SPSB4: variants seen among roughly 807,000 people sequenced by gnomAD.
SPSB4 encodes the protein SPRY domain-containing SOCS box protein 4.
A neutral mutation model predicts 20.9 loss-of-function variants in SPSB4; 21 were observed. The observed-to-expected ratio is 1.01, with a 90% CI of 0.71 to 1.45. SPSB4 has a LOEUF of 1.45. SPSB4 is among the 40% of genes most tolerant of loss of function. The probability of loss-of-function intolerance (pLI) is 0.00; values close to 1 mark genes in which losing one functional copy is unlikely to be tolerated. For missense variants in SPSB4, 399 were observed against 399.2 expected, an observed-to-expected ratio of 1.00 and a Z score of 0.00; for synonymous variants, 207 against 183.8, an observed-to-expected ratio of 1.13 and a Z score of -1.02.
intron 2 of SPSB4, among the ~76,000 whole-genome samples, chr3:141,141,292 G>T (rs768236269): frequency 6.6e-6 from 1 of 152,190 alleles, no homozygotes. Context: ...GTGAGGCGAC[G>T]CCTCGCCCTG....
intron 2 of SPSB4, among the ~76,000 whole-genome samples, chr3:141,127,845 G>A (rs1050406972): frequency 6.6e-6 from 1 of 152,156 alleles, no homozygotes; most frequent in African/African-American, 2.4e-5. Context: ...TATTCTCTTA[G>A]GCCCTGCAGT....
chr3:141,121,995 C>T (rs1050351240), intron 2 of SPSB4, among the ~76,000 whole-genome samples: 2 of 152,212 alleles, frequency 1.3e-5, no homozygotes, highest in Non-Finnish European at 2.9e-5. Flanking sequence ...AGAAGAGACG[C>T]TCTGGTTTTT....
intron 2 of SPSB4, among the ~76,000 whole-genome samples, chr3:141,114,847 G>A (rs894393558): frequency 1.2e-4 from 19 of 152,216 alleles, no homozygotes; most frequent in Admixed American, 3.3e-4. Flanking sequence ...AAGAAAGGAA[G>A]TGTCTGTTTT....
chr3:141,094,075 C>T (rs1013034701), intron 2 of SPSB4, among the ~76,000 whole-genome samples: 10 of 152,214 alleles, frequency 6.6e-5, no homozygotes, highest in Non-Finnish European at 1.2e-4. Flanking sequence ...GGCAGCCAGG[C>T]GTGCTTGCTG....
At position 141,123,728 on chromosome 3, in the gene SPSB4, G is replaced by C. The variant is rs188516654; in HGVS notation, c.695-23414G>C. Among the ~76,000 whole-genome samples, 33 of 152,350 alleles carry C rather than the reference G, an allele frequency of 2.2e-4. No individual in the cohort carries two copies. The East Asian group carries it at 6.2e-3, about 29-fold the overall frequency. On this transcript the variant is annotated intron_variant, in intron 2 of 2. Transcript: ENST00000310546. Reference sequence around the variant, plus strand: ...GTTTCTTTCAGTACCCATAGGGGCAGCTGGGTTGTTCCAGTGCTGCAGTGA... The same window carrying C: ...GTTTCTTTCAGTACCCATAGGGGCACCTGGGTTGTTCCAGTGCTGCAGTGA...
intron 2 of SPSB4, among the ~76,000 whole-genome samples, chr3:141,081,559 G>C (rs945861041): frequency 6.6e-6 from 1 of 152,064 alleles, no homozygotes; most frequent in African/African-American, 2.4e-5. Context: ...AATGTCAAAG[G>C]TCTTTGGTGG....
intron 2 of SPSB4, among the ~76,000 whole-genome samples, chr3:141,131,893 G>T (rs902754680): frequency 7.2e-5 from 11 of 152,174 alleles, no homozygotes; most frequent in African/African-American, 2.7e-4. Flanking sequence ...TTCCAAAGTG[G>T]TTGTGCAGTT....
intron 2 of SPSB4, among the ~76,000 whole-genome samples, chr3:141,114,554 A>T (rs2107799382): frequency 6.6e-6 from 1 of 152,332 alleles, no homozygotes; most frequent in Non-Finnish European, 1.5e-5. Flanking sequence ...CTGGCCCAGC[A>T]AGCAACCAGA....
chr3:141,098,168 A>G (rs1938571555), intron 2 of SPSB4, among the ~76,000 whole-genome samples: 1 of 152,242 alleles, frequency 6.6e-6, no homozygotes, highest in Admixed American at 6.5e-5. Flanking sequence ...AGTGGTTTTA[A>G]TTACTGCAAT....
Position 141,081,525 on chromosome 3 carries a change from T to C in SPSB4, c.694+14727T>C, listed in dbSNP as rs560054419. Among the ~76,000 whole-genome samples, 23 of 152,090 alleles carry C rather than the reference T, an allele frequency of 1.5e-4. No individual in the cohort carries two copies. The East Asian group carries it at 4.5e-3, about 29-fold the overall frequency. ...AGATACCAGCCAATGAGTGTCAGGC[T>C]GCAGGACCAGAAAACCTTAGGCGAA... On this transcript the variant is annotated intron_variant, in intron 2 of 2. Transcript: ENST00000310546.
chr3:141,135,079 C>T (rs573471650), intron 2 of SPSB4, among the ~76,000 whole-genome samples: 5 of 152,124 alleles, frequency 3.3e-5, no homozygotes, highest in South Asian at 2.1e-4. Flanking sequence ...CCAACAACCC[C>T]AGCCCCACCA....
intron 2 of SPSB4, among the ~76,000 whole-genome samples, chr3:141,091,604 C>T (rs115113673): frequency 0.014 from 2,161 of 152,286 alleles, 43 homozygotes; most frequent in African/African-American, 0.048. Flanking sequence ...AGATCTCCAC[C>T]ACATGTTGGT....
At chr3:141,100,406 C>A (rs1013972857) in intron 2 of SPSB4, among the ~76,000 whole-genome samples, 3 of 152,246 alleles carry the variant, frequency 2.0e-5, no homozygotes, top group East Asian at 1.9e-4. Flanking sequence ...GCCCTGTGAG[C>A]ATGAATGCAG....
intron 2 of SPSB4, among the ~76,000 whole-genome samples, chr3:141,077,961 C>A (rs1938151211): frequency 6.6e-6 from 1 of 152,260 alleles, no homozygotes; most frequent in African/African-American, 2.4e-5. Context: ...GGTCTCCCCC[C>A]ATCTCCTCTA....
At chr3:141,133,337 C>T (rs577930136) in intron 2 of SPSB4, among the ~76,000 whole-genome samples, 1 of 152,192 alleles carries the variant, frequency 6.6e-6, no homozygotes, top group East Asian at 1.9e-4. Context: ...ATTGCATTTG[C>T]TTTTAGGTTC....
chr3:141,079,088 C>T (rs534889768), intron 2 of SPSB4, among the ~76,000 whole-genome samples: 4 of 152,118 alleles, frequency 2.6e-5, no homozygotes, highest in South Asian at 4.2e-4. Context: ...GGTGAAACCC[C>T]GTCTCTACTA....
intron 2 of SPSB4, among the ~76,000 whole-genome samples, chr3:141,105,768 T>G (rs1370074008): frequency 6.6e-6 from 1 of 152,242 alleles, no homozygotes; most frequent in Non-Finnish European, 1.5e-5. Context: ...ATAATTCTTT[T>G]CTTTGCCTTC....
intron 2 of SPSB4, among the ~76,000 whole-genome samples, chr3:141,122,852 G>A (rs577450674): frequency 6.6e-6 from 1 of 152,320 alleles, no homozygotes; most frequent in South Asian, 2.1e-4. Flanking sequence ...GACTGTCACA[G>A]CTTCCCTTGG....
chr3:141,146,824 A>T (rs1208686534), intron 2 of SPSB4, among the ~76,000 whole-genome samples: 1 of 151,640 alleles, frequency 6.6e-6, no homozygotes, highest in Non-Finnish European at 1.5e-5. Flanking sequence ...ACCAGAGACA[A>T]GGCTTTCATG....
Sources: gnomAD v4.1 joint callset for allele counts (sites outside exome capture counted in the v4.1 genomes callset) on GRCh38, gnomAD v4.1.1 for gene constraint, MANE v1.5 for transcripts, NCBI Gene and HGNC (gene_info 2026-07-23, HGNC 2026-07-21) for gene names.